The following CFAP299 variants were observed in gnomAD, a reference collection of about 807,000 sequenced individuals.
CFAP299 encodes cilia- and flagella-associated protein 299.
Under a neutral mutation model 27.0 loss-of-function variants are expected in CFAP299, and 21 were observed. That is an observed-to-expected ratio of 0.78 (90% CI 0.55 to 1.12). The LOEUF is 1.12. CFAP299 is among the 50% of genes most tolerant of loss of function. The probability of loss-of-function intolerance (pLI) is 0.00; values close to 1 mark genes in which losing one functional copy is unlikely to be tolerated. For synonymous variants in CFAP299, 104 were observed against 98.1 expected (o/e 1.06, Z -0.36); for missense variants, 310 against 276.6 (o/e 1.12, Z -0.86).
At chr4:80,635,490 G>C (rs966138479) in intron 3 of CFAP299, among the ~76,000 whole-genome samples, 1 of 152,008 alleles carries the variant, frequency 6.6e-6, no homozygotes, top group Non-Finnish European at 1.5e-5. Context: ...AAAGAGAATA[G>C]ACTTAAATTT....
At chr4:80,767,470 G>T (rs1268128529) in intron 3 of CFAP299, among the ~76,000 whole-genome samples, 2 of 152,026 alleles carry the variant, frequency 1.3e-5, no homozygotes. Context: ...TTAGCCAGGC[G>T]TGGTGGTGGA....
chr4:80,354,562 G>A (rs774591474), intron 1 of CFAP299, among the ~76,000 whole-genome samples: 40 of 151,960 alleles, frequency 2.6e-4, no homozygotes, highest in Non-Finnish European at 5.6e-4. Context: ...ACATGTACAG[G>A]TTTGCTATAT....
At chr4:80,786,513 A>C (rs989979810) in intron 3 of CFAP299, among the ~76,000 whole-genome samples, 2 of 152,122 alleles carry the variant, frequency 1.3e-5, no homozygotes, top group African/African-American at 4.8e-5. Context: ...ATTATGGACT[A>C]TAGTCTTTCT....
At chr4:80,476,960 C>CGCGCGTGTGTGT (rs1553926298) in intron 2 of CFAP299, among the ~76,000 whole-genome samples, 1 of 106,568 alleles carries the variant, frequency 9.4e-6, no homozygotes. Flanking sequence ...TGTGCGCATG[C>CGCGCGTGTGTGT]GTGTGTGTGT....
chr4:80,523,456 A>G (rs1002762522), intron 2 of CFAP299, among the ~76,000 whole-genome samples: 1 of 152,268 alleles, frequency 6.6e-6, no homozygotes, highest in Non-Finnish European at 1.5e-5. Flanking sequence ...TTAATTTTAT[A>G]TATCAACTTG....
At chr4:80,825,019 A>G (rs1729908824) in intron 3 of CFAP299, among the ~76,000 whole-genome samples, 1 of 152,014 alleles carries the variant, frequency 6.6e-6, no homozygotes, top group Non-Finnish European at 1.5e-5. Context: ...AGACATGGAT[A>G]ATGTCAAGAA....
At position 80,774,341 on chromosome 4, in the gene CFAP299, A is replaced by G. The variant is rs527437662; in HGVS notation, c.334-95652A>G. 2.0e-5 allele frequency among the ~76,000 whole-genome samples: 3 copies of G among 151,932 alleles called. No individual in the cohort carries two copies. The South Asian group carries it at 6.2e-4, about 31-fold the overall frequency. On this transcript the variant is annotated intron_variant, in intron 3 of 5. Transcript: ENST00000358105. ...CTGATACTTTATTTTAAAAAATAATAATAATATTAACTTAAAACAAAGTCA... is the reference window on the plus strand; with the variant it reads ...CTGATACTTTATTTTAAAAAATAATGATAATATTAACTTAAAACAAAGTCA...
intron 2 of CFAP299, among the ~76,000 whole-genome samples, chr4:80,426,946 G>A (rs1727558659): frequency 6.6e-6 from 1 of 152,116 alleles, no homozygotes; most frequent in Admixed American, 6.5e-5. Context: ...TGTCTTTTAT[G>A]TTGATATCTA....
chr4:80,385,603 G>A (rs998574604), intron 2 of CFAP299, among the ~76,000 whole-genome samples: 1 of 152,120 alleles, frequency 6.6e-6, no homozygotes, highest in African/African-American at 2.4e-5. Flanking sequence ...CTTGCCCGAG[G>A]TCACAAGGCA....
intron 3 of CFAP299, among the ~76,000 whole-genome samples, chr4:80,811,985 T>C (rs915089667): frequency 6.6e-6 from 1 of 151,816 alleles, no homozygotes; most frequent in African/African-American, 2.4e-5. Flanking sequence ...AAAAAGAAGC[T>C]AAAAGCCAAA....
At chr4:80,503,654 A>G (rs2110154187) in intron 2 of CFAP299, among the ~76,000 whole-genome samples, 1 of 152,192 alleles carries the variant, frequency 6.6e-6, no homozygotes. Flanking sequence ...AACGGTGGCT[A>G]ATATATATTA....
intron 3 of CFAP299, among the ~76,000 whole-genome samples, chr4:80,704,351 G>T (rs1721694779): frequency 6.6e-6 from 1 of 151,626 alleles, no homozygotes; most frequent in African/African-American, 2.4e-5. Flanking sequence ...AATGAGAAAT[G>T]CAGGGTTGGA....
intron 3 of CFAP299, among the ~76,000 whole-genome samples, chr4:80,765,661 C>T (rs1725821613): frequency 1.3e-5 from 2 of 151,874 alleles, no homozygotes; most frequent in South Asian, 4.2e-4. Flanking sequence ...ATGTGCACAA[C>T]ATGCAGGTTT....
intron 4 of CFAP299, among the ~76,000 whole-genome samples, chr4:80,929,498 GAA>G (rs1416770840): frequency 1.3e-5 from 2 of 152,170 alleles, no homozygotes; most frequent in Admixed American, 6.5e-5. Context: ...TCCAGTCTCT[GAA>G]GCTAGGAACC....
chr4:80,659,921 A>C (rs1300188670), intron 3 of CFAP299, among the ~76,000 whole-genome samples: 1 of 152,134 alleles, frequency 6.6e-6, no homozygotes, highest in Admixed American at 6.6e-5. Flanking sequence ...TTCAACCCTT[A>C]GTAAAAATAT....
At chr4:80,609,762 A>C (rs1349132697) in intron 3 of CFAP299, among the ~76,000 whole-genome samples, 2 of 151,976 alleles carry the variant, frequency 1.3e-5, no homozygotes, top group East Asian at 3.9e-4. Context: ...AGTAATACAT[A>C]GTTTGTCTAT....
intron 2 of CFAP299, among the ~76,000 whole-genome samples, chr4:80,394,403 C>A (rs550743331): frequency 6.7e-6 from 1 of 149,034 alleles, no homozygotes; most frequent in East Asian, 2.0e-4. Context: ...TGGCTGTACA[C>A]AGTTTTTTTT....
chr4:80,489,483 A>C (rs753958303), intron 2 of CFAP299, among the ~76,000 whole-genome samples: 1 of 152,218 alleles, frequency 6.6e-6, no homozygotes, highest in Non-Finnish European at 1.5e-5. Flanking sequence ...AATATGGAAA[A>C]CAACAAATGC....
intron 5 of CFAP299, among the ~76,000 whole-genome samples, chr4:80,952,233 A>G (rs375024119): frequency 4.6e-5 from 7 of 152,322 alleles, no homozygotes; most frequent in African/African-American, 1.4e-4. Context: ...CATCTGCGGG[A>G]TGAATAAATT....
Sources: allele counts gnomAD v4.1 joint callset (sites outside exome capture counted in the v4.1 genomes callset), GRCh38; gene constraint gnomAD v4.1.1; transcripts MANE v1.5; gene names NCBI Gene and HGNC (gene_info 2026-07-23, HGNC 2026-07-21).